Variants in MED13L observed in about 807,000 individuals in gnomAD.
MED13L encodes the protein mediator complex subunit 13L, also known as mediator of RNA polymerase II transcription subunit 13-like.
Under a neutral mutation model 220.9 loss-of-function variants are expected in MED13L, and 7 were observed. The ratio of observed to expected loss-of-function variants is 0.03; its 90% confidence interval spans 0.02 to 0.06. The LOEUF (loss-of-function observed/expected upper bound fraction) is 0.06, where lower values mean the gene tolerates loss of function less well. Among genes scored for constraint, MED13L ranks in the 10% least tolerant of loss-of-function variants. The pLI is 1.00. For missense variants in MED13L, 1,965 were observed against 2,760.5 expected, an observed-to-expected ratio of 0.71 and a Z score of 6.46; for synonymous variants, 1,011 against 1,015.2, an observed-to-expected ratio of 1.00 and a Z score of 0.08.
chr12:116,047,987 G>GA (rs1215694207), intron 4 of MED13L, among the ~76,000 whole-genome samples: 2 of 151,410 alleles, frequency 1.3e-5, no homozygotes, highest in Non-Finnish European at 2.9e-5. Context: ...GTAGTGTTGG[G>GA]AAAAATCAGT....
At chr12:116,004,354 A>C (rs1346313022) in intron 13 of MED13L, among the ~76,000 whole-genome samples, 1 of 152,120 alleles carries the variant, frequency 6.6e-6, no homozygotes, top group East Asian at 1.9e-4. Context: ...CATTTCTTCT[A>C]CCAGAGTTTT....
At chr12:116,209,016 C>G (rs73200232) in intron 2 of MED13L, among the ~76,000 whole-genome samples, 1 of 151,890 alleles carries the variant, frequency 6.6e-6, no homozygotes, top group Non-Finnish European at 1.5e-5. Context: ...GGAAATACTA[C>G]TATCTGATTC....
rs1400280504 is a variant in MED13L at position 116,006,401 on chromosome 12, C to G, written c.2249G>C (p.Gly750Ala). 6.2e-7 allele frequency: 1 copy of G among 1,613,738 alleles called. No homozygotes were observed. Among genetic ancestry groups the G allele is most frequent in the East Asian group, 2.2e-5 (1 of 44,856 alleles). The change falls in exon 12 of 31, where the codon GGA becomes GCA. Residue 750 changes from glycine (G) to alanine (A), a missense_variant. Around this residue, in one of 10 missense-constraint regions of MED13L, gnomAD observed 818 missense variants for 1,041.2 expected, o/e 0.79. Coordinates refer to ENST00000281928, the MANE Select transcript of MED13L (RefSeq NM_015335.5). ...DSLKKNKSED[G>A]FGTKDVTTPG... ...TGTAGTGACATCCTTGGTACCAAAT[C>G]CATCCTCTGACTGTATAATAAATTC...
intron 27 of MED13L, among the ~76,000 whole-genome samples, chr12:115,969,667 T>C (rs1222622610): frequency 6.6e-6 from 1 of 151,942 alleles, no homozygotes; most frequent in Non-Finnish European, 1.5e-5. Flanking sequence ...CTCTGCCTCC[T>C]GGGTTCAAGT....
At chr12:116,016,561 G>A (rs1263118482) in intron 7 of MED13L, among the ~76,000 whole-genome samples, 1 of 152,098 alleles carries the variant, frequency 6.6e-6, no homozygotes, top group Non-Finnish European at 1.5e-5. Context: ...AACATCCTAT[G>A]ATATAGCTAA....
At chr12:116,124,203 T>A (rs1337785179) in intron 2 of MED13L, among the ~76,000 whole-genome samples, 2 of 127,308 alleles carry the variant, frequency 1.6e-5, no homozygotes, top group Non-Finnish European at 3.6e-5. Context: ...ACTGACTGAC[T>A]ACTGTGAAGA....
intron 4 of MED13L, among the ~76,000 whole-genome samples, chr12:116,079,415 G>A (rs943575277): frequency 3.9e-5 from 6 of 151,964 alleles, no homozygotes; most frequent in African/African-American, 1.5e-4. Context: ...TGGGGGAGGG[G>A]GGGTCTCACT....
chr12:116,246,505 T>G (rs777274700), intron 1 of MED13L, among the ~76,000 whole-genome samples: 4 of 151,100 alleles, frequency 2.6e-5, no homozygotes, highest in Non-Finnish European at 5.9e-5. Flanking sequence ...ACTGTGGGGA[T>G]GAGTTAAGTT....
Position 115,983,436 on chromosome 12 carries a change from C to A in MED13L, c.4636G>T (p.Gly1546Trp). 1 of 1,614,156 alleles carries A rather than the reference C, an allele frequency of 6.2e-7. No individual in the cohort carries two copies. The highest frequency in any genetic ancestry group is 8.5e-7 in the Non-Finnish European group (1 of 1,180,006). Reference sequence around the variant, plus strand: ...GCTGATCCATTTGGAGCTAAGGGCCCAGCATTCCCTGGCGTAGCTTGTCCC... The same window carrying A: ...GCTGATCCATTTGGAGCTAAGGGCCAAGCATTCCCTGGCGTAGCTTGTCCC... ...AQGQATPGNA[G>W]PLAPNGSAAP... Residue 1546 changes from glycine to tryptophan, a missense_variant, in exon 21 of 31, where the codon GGG becomes TGG. By Grantham distance (184) the Gly-to-Trp change is radical. This residue lies in a region of MED13L where 510 missense variants were observed against 620.4 expected (regional missense o/e 0.82). Coordinates refer to ENST00000281928, the MANE Select transcript of MED13L (RefSeq NM_015335.5).
At chr12:116,007,360 A>G in intron 11 of MED13L, 51 bp downstream of exon 11, 1 of 1,520,518 alleles carries the variant, frequency 6.6e-7, no homozygotes, top group Non-Finnish European at 9.1e-7. Context: ...TGTTGTACTG[A>G]CATAGATAGA....
At chr12:116,047,687 G>A (rs1356184610) in intron 4 of MED13L, among the ~76,000 whole-genome samples, 1 of 152,182 alleles carries the variant, frequency 6.6e-6, no homozygotes, top group Non-Finnish European at 1.5e-5. Context: ...ACAGATCTAA[G>A]GTGTTTAACT....
chr12:115,975,512 C>T lies in MED13L; in HGVS notation c.5588+3G>A. ...ATGCACCATAAACATCAAGTCTTCT[C>T]ACCTGTTTGGTAAAGCAATATTTAC... On this transcript the variant is annotated splice_donor_region_variant and intron_variant, in intron 24 of 30. Coordinates refer to ENST00000281928, the MANE Select transcript of MED13L (RefSeq NM_015335.5). The T allele has an allele frequency of 6.2e-7, 1 of 1,612,506 alleles. No individual in the cohort carries two copies. Among genetic ancestry groups the T allele is most frequent in the African/African-American group, 1.3e-5 (1 of 75,000 alleles).
intron 2 of MED13L, among the ~76,000 whole-genome samples, chr12:116,130,662 T>C (rs1407908036): frequency 6.6e-6 from 1 of 152,110 alleles, no homozygotes; most frequent in Non-Finnish European, 1.5e-5. Context: ...TGGATCATTG[T>C]ATCTGCCAAC....
intron 2 of MED13L, among the ~76,000 whole-genome samples, chr12:116,191,328 G>A (rs1173963581): frequency 6.6e-6 from 1 of 151,830 alleles, no homozygotes; most frequent in Non-Finnish European, 1.5e-5. Flanking sequence ...TCTATTATTT[G>A]TGTTTTTTGT....
chr12:116,007,847 C>A (rs545073067), intron 10 of MED13L: 38 of 564,312 alleles, frequency 6.7e-5, no homozygotes, highest in Non-Finnish European at 6.2e-5. Context: ...AGCACAGGTT[C>A]TCAGGACAGA....
intron 14 of MED13L, among the ~76,000 whole-genome samples, chr12:115,997,799 A>G (rs1453633189): frequency 2.0e-5 from 3 of 152,220 alleles, no homozygotes; most frequent in Non-Finnish European, 4.4e-5. Context: ...AAGTCTACAT[A>G]ACTTGTATGT....
chr12:115,984,083 CA>C, intron 20 of MED13L, 96 bp downstream of exon 20: 1 of 1,346,348 alleles, frequency 7.4e-7, no homozygotes, highest in South Asian at 1.2e-5. Context: ...TTACTTGAGA[CA>C]AAAGAAATAT....
At chr12:115,961,430 G>A (rs1468507996) in intron 30 of MED13L, 32 bp from the exon 31 acceptor site, 9 of 1,612,304 alleles carry the variant, frequency 5.6e-6, no homozygotes, top group South Asian at 5.5e-5. Context: ...GCAGGGGCGT[G>A]AGCCTCAAGA....
chr12:116,154,787 G>A (rs895276298), intron 2 of MED13L, among the ~76,000 whole-genome samples: 9 of 152,200 alleles, frequency 5.9e-5, no homozygotes, highest in East Asian at 3.9e-4. Flanking sequence ...AATATTTTTC[G>A]ATAAAGATAT....
Sources: gnomAD v4.1 joint callset for allele counts (sites outside exome capture counted in the v4.1 genomes callset) on GRCh38, gnomAD v4.1.1 for gene constraint, gnomAD v4.1.1 regional missense constraint, MANE v1.5 for transcripts, NCBI Gene and HGNC (gene_info 2026-07-23, HGNC 2026-07-21) for gene names.